Variants in AHCYL2 observed in about 807,000 individuals in gnomAD.
AHCYL2 encodes the protein S-adenosylhomocysteine hydrolase-like protein 2.
A neutral mutation model predicts 81.4 loss-of-function variants in AHCYL2; 28 were observed. The observed-to-expected ratio is 0.34, with a 90% confidence interval of 0.25 to 0.47. AHCYL2 has a LOEUF of 0.47. AHCYL2 is among the 20% of genes least tolerant of loss of function. The pLI is 1.00. For synonymous variants in AHCYL2, 272 were observed against 290.2 expected (o/e 0.94, Z 0.64); for missense variants, 551 against 785.1 (o/e 0.70, Z 3.56).
At chr7:129,310,456 G>A (rs1797615453) in intron 1 of AHCYL2, among the ~76,000 whole-genome samples, 1 of 152,106 alleles carries the variant, frequency 6.6e-6, no homozygotes, top group Admixed American at 6.5e-5. Context: ...TGAGGGAATT[G>A]GTGAAGGAAA....
chr7:129,382,743 T>C (rs930284173), intron 2 of AHCYL2, among the ~76,000 whole-genome samples: 2 of 147,122 alleles, frequency 1.4e-5, no homozygotes, highest in African/African-American at 5.0e-5. Flanking sequence ...CCATCTCTAC[T>C]AAACATACAA....
chr7:129,276,902 C>T (rs974409704), intron 1 of AHCYL2, among the ~76,000 whole-genome samples: 125 of 151,948 alleles, frequency 8.2e-4, no homozygotes, highest in African/African-American at 2.9e-3. Context: ...GAAGACATAT[C>T]TACAAATACA....
chr7:129,405,686 AG>A, intron 8 of AHCYL2, 149 bp from the exon 9 acceptor site: 2 of 623,716 alleles, frequency 3.2e-6, no homozygotes, highest in Non-Finnish European at 5.3e-6. Flanking sequence ...GGTCTTTACC[AG>A]AAAACCCCTT....
At chr7:129,309,093 G>A (rs867733458) in intron 1 of AHCYL2, among the ~76,000 whole-genome samples, 14 of 152,152 alleles carry the variant, frequency 9.2e-5, no homozygotes, top group Admixed American at 5.9e-4. Flanking sequence ...TTAGCCGGGC[G>A]TGGCGGCGGG....
At chr7:129,363,146 G>T (rs1414491757) in intron 1 of AHCYL2, among the ~76,000 whole-genome samples, 2 of 152,148 alleles carry the variant, frequency 1.3e-5, no homozygotes, top group African/African-American at 4.8e-5. Context: ...ACAGAAAGCC[G>T]CAGGAGCCGA....
chr7:129,324,804 T>C (rs1328386160), intron 1 of AHCYL2, among the ~76,000 whole-genome samples: 1 of 152,248 alleles, frequency 6.6e-6, no homozygotes, highest in Non-Finnish European at 1.5e-5. Flanking sequence ...CATGAGCCAC[T>C]GTGCCCGGCC....
chr7:129,348,163 TGGTGATAAACAAATAGCACAAGGTA>T (rs1793427758), intron 1 of AHCYL2, among the ~76,000 whole-genome samples: 1 of 152,210 alleles, frequency 6.6e-6, no homozygotes, highest in Non-Finnish European at 1.5e-5. Flanking sequence ...CATTGTATCA[TGGTGATAAACAAATAGCACAAGGTA>T]GGAGCAATCT....
chr7:129,257,499 C>T (rs998147406), intron 1 of AHCYL2, among the ~76,000 whole-genome samples: 1 of 152,102 alleles, frequency 6.6e-6, no homozygotes, highest in Non-Finnish European at 1.5e-5. Flanking sequence ...CTACCCAGTG[C>T]CTGGTGCATG....
intron 1 of AHCYL2, among the ~76,000 whole-genome samples, chr7:129,297,464 A>C (rs1797093241): frequency 6.6e-6 from 1 of 152,164 alleles, no homozygotes; most frequent in African/African-American, 2.4e-5. Context: ...TGGGGAGCAG[A>C]AGTGTCACAT....
chr7:129,339,430 G>C (rs1195116982), intron 1 of AHCYL2, among the ~76,000 whole-genome samples: 1 of 152,164 alleles, frequency 6.6e-6, no homozygotes, highest in Non-Finnish European at 1.5e-5. Context: ...TGCAGTGTTT[G>C]TGATAGAAGA....
Position 129,400,401 on chromosome 7 carries a change from C to A in AHCYL2, c.918+17C>A. On this transcript the variant is annotated intron_variant, in intron 6 of 16. Transcript: ENST00000325006. ...CCAAACATGGTGGGTCAGATTTCTG[C>A]TAACACAATTCTGTAGGGGTCAGGA... 1 of 1,610,388 alleles carries A rather than the reference C, an allele frequency of 6.2e-7. No individual in the cohort carries two copies. Among genetic ancestry groups the A allele is most frequent in the Non-Finnish European group, 8.5e-7 (1 of 1,177,248 alleles).
chr7:129,243,874 T>C (rs1584697530), intron 1 of AHCYL2, among the ~76,000 whole-genome samples: 1 of 152,340 alleles, frequency 6.6e-6, no homozygotes, highest in Admixed American at 6.5e-5. Flanking sequence ...ATTACAGGCA[T>C]GAGCCACCAT....
chr7:129,388,922 C>CT (rs1238324278), intron 2 of AHCYL2, 134 bp from the exon 3 acceptor site: 2 of 888,202 alleles, frequency 2.3e-6, no homozygotes, highest in South Asian at 1.8e-5. Flanking sequence ...TGTGTATAGC[C>CT]TGCAGGTACT....
intron 1 of AHCYL2, among the ~76,000 whole-genome samples, chr7:129,295,167 G>A (rs1362877616): frequency 6.6e-6 from 1 of 152,216 alleles, no homozygotes; most frequent in African/African-American, 2.4e-5. Flanking sequence ...TTCTCTGAAA[G>A]GGAATTTGAT....
chr7:129,379,450 T>C (rs1276846440), intron 1 of AHCYL2, among the ~76,000 whole-genome samples, 188 bp from the exon 2 acceptor site: 2 of 151,112 alleles, frequency 1.3e-5, no homozygotes, highest in African/African-American at 4.9e-5. Flanking sequence ...AAAGACCCCA[T>C]CTCTATTTAA....
intron 1 of AHCYL2, among the ~76,000 whole-genome samples, chr7:129,268,350 T>A (rs1321506070): frequency 6.6e-6 from 1 of 151,956 alleles, no homozygotes; most frequent in African/African-American, 2.4e-5. Flanking sequence ...TTTTTTTGTT[T>A]TTGTTTTTGT....
chr7:129,294,592 A>G (rs1308550148), intron 1 of AHCYL2, among the ~76,000 whole-genome samples: 1 of 152,186 alleles, frequency 6.6e-6, no homozygotes, highest in Non-Finnish European at 1.5e-5. Context: ...ATCTGAATCC[A>G]TATCGGTCTC....
intron 1 of AHCYL2, among the ~76,000 whole-genome samples, 175 bp downstream of exon 1, chr7:129,225,614 T>C (rs965932313): frequency 6.6e-6 from 1 of 152,056 alleles, no homozygotes; most frequent in Non-Finnish European, 1.5e-5. Flanking sequence ...CCCCTCGTGC[T>C]GGGAGCGGAG....
intron 1 of AHCYL2, among the ~76,000 whole-genome samples, chr7:129,323,995 C>G (rs10248733): frequency 2.0e-5 from 3 of 151,440 alleles, no homozygotes; most frequent in South Asian, 2.1e-4. Flanking sequence ...CTCAGACTCT[C>G]GAGTAGCTGG....
Sources: allele counts gnomAD v4.1 joint callset (sites outside exome capture counted in the v4.1 genomes callset), GRCh38; gene constraint gnomAD v4.1.1; transcripts MANE v1.5; gene names NCBI Gene and HGNC (gene_info 2026-07-23, HGNC 2026-07-21).